The following SERPINE2 variants were observed in gnomAD, a reference collection of about 807,000 sequenced individuals.
SERPINE2 encodes the protein glia-derived nexin.
A neutral mutation model predicts 36.3 loss-of-function variants in SERPINE2; 14 were observed. The ratio of observed to expected loss-of-function variants is 0.39; its 90% confidence interval spans 0.25 to 0.60. The LOEUF (loss-of-function observed/expected upper bound fraction) is 0.60. Ranked by LOEUF, SERPINE2 falls within the 20% of genes least tolerant of loss-of-function variation. SERPINE2 has a pLI of 0.57. For missense variants in SERPINE2, 418 were observed against 499.6 expected, an observed-to-expected ratio of 0.84 and a Z score of 1.56; for synonymous variants, 192 against 191.8, an observed-to-expected ratio of 1.00 and a Z score of -0.01.
In SERPINE2 at chr2:224,003,701, A is replaced by AGAACTTAAAT. The variant is rs1338193067; in HGVS notation, c.-22-1780_-22-1779insATTTAAGTTC. Among the ~76,000 whole-genome samples, 6 of 152,384 alleles carry AGAACTTAAAT rather than the reference A, an allele frequency of 3.9e-5. No individual in the cohort carries two copies. In the East Asian group the frequency reaches 1.2e-3, roughly 29 times the overall value. Reference sequence around the variant, plus strand: ...GAAAAGCAAATACTTTCATTAAGTAAGAACTTAACAGTGGCAGCTGGTAAA... The same window carrying AGAACTTAAAT: ...GAAAAGCAAATACTTTCATTAAGTAAGAACTTAAATGAACTTAACAGTGGCAGCTGGTAAA... On this transcript the variant is annotated intron_variant, in intron 1 of 8. Coordinates refer to ENST00000409304, the MANE Select transcript of SERPINE2 (RefSeq NM_001136528.2).
intron 1 of SERPINE2, among the ~76,000 whole-genome samples, chr2:224,036,368 A>G (rs1692535632): frequency 1.3e-5 from 2 of 151,220 alleles, no homozygotes; most frequent in African/African-American, 4.9e-5. Context: ...AGAAAGGAAT[A>G]GAAGAACCTC....
intron 1 of SERPINE2, among the ~76,000 whole-genome samples, chr2:224,036,536 G>C (rs912754771): frequency 2.6e-5 from 4 of 151,402 alleles, no homozygotes; most frequent in Non-Finnish European, 4.4e-5. Context: ...TACCTAATGT[G>C]ATGGGTTGAT....
intron 1 of SERPINE2, among the ~76,000 whole-genome samples, chr2:224,025,763 C>T (rs17196910): frequency 0.021 from 3,247 of 152,332 alleles, 48 homozygotes; most frequent in Non-Finnish European, 0.035. Context: ...CACTGAAACA[C>T]CTACCCTAGG....
In SERPINE2 at chr2:223,975,404, C is replaced by T. The variant is rs1227381330; in HGVS notation, c.*463G>A. 2 of 152,844 alleles carry T rather than the reference C, an allele frequency of 1.3e-5. No individual in the cohort carries two copies. The highest frequency in any genetic ancestry group is 2.4e-5 in the African/African-American group (1 of 41,400). 9.5% of individuals were successfully genotyped at this position (152,844 alleles called of 1,614,324 possible). On this transcript the variant is annotated 3_prime_UTR_variant, in exon 9 of 9. Coordinates refer to ENST00000409304, the MANE Select transcript of SERPINE2 (RefSeq NM_001136528.2). ...ACCAAAATAACGCTTGCTATCAAGACTTTGGAGGGGGATGGGGGAAAAGAA... is the reference window on the plus strand; with the variant it reads ...ACCAAAATAACGCTTGCTATCAAGATTTTGGAGGGGGATGGGGGAAAAGAA...
chr2:223,977,533 G>C lies in SERPINE2; in HGVS notation c.1156+11C>G. On this transcript the variant is annotated intron_variant, in intron 8 of 8. Transcript: ENST00000409304. ...ACAGAGAGGGCATGATGGAAGAGGA[G>C]AGTCACTTACCTGTAGGATTATGTC... is the stretch of plus-strand genomic sequence containing the variant. 6.4e-7 allele frequency: 1 copy of C among 1,553,860 alleles called. No individual in the cohort carries two copies. Among genetic ancestry groups the C allele is most frequent in the Non-Finnish European group, 8.9e-7 (1 of 1,125,184 alleles).
intron 1 of SERPINE2, among the ~76,000 whole-genome samples, chr2:224,012,130 T>C (rs1351334935): frequency 1.3e-5 from 2 of 152,196 alleles, no homozygotes; most frequent in Non-Finnish European, 2.9e-5. Context: ...GCTCTGAGTG[T>C]GGGACTTCAC....
chr2:224,026,227 T>C, intron 1 of SERPINE2, among the ~76,000 whole-genome samples: 1 of 152,234 alleles, frequency 6.6e-6, no homozygotes, highest in East Asian at 1.9e-4. Flanking sequence ...ACACGCCCAC[T>C]TCGGGCTTTA....
chr2:224,027,565 G>C (rs1378571774), intron 1 of SERPINE2, among the ~76,000 whole-genome samples: 1 of 152,136 alleles, frequency 6.6e-6, no homozygotes, highest in Non-Finnish European at 1.5e-5. Context: ...GACAAGGTGG[G>C]AGTGGTAGAA....
chr2:224,031,538 G>T, intron 1 of SERPINE2: 1 of 983,650 alleles, frequency 1.0e-6, no homozygotes, highest in African/African-American at 1.7e-5. Flanking sequence ...CACAGCCATT[G>T]GTACACGGAA....
chr2:224,000,139 C>T (rs767854757), intron 2 of SERPINE2, among the ~76,000 whole-genome samples: 15 of 152,176 alleles, frequency 9.9e-5, no homozygotes, highest in African/African-American at 2.9e-4. Context: ...CAGCTGACGA[C>T]GCCAGTGCAG....
Position 223,984,823 on chromosome 2 carries a change from G to A in SERPINE2, c.813C>T (p.His271=). 2 of 1,614,080 alleles carry A rather than the reference G, an allele frequency of 1.2e-6. No individual in the cohort carries two copies. Among genetic ancestry groups the A allele is most frequent in the Middle Eastern group, 1.7e-4 (1 of 5,990 alleles). The change falls in exon 5 of 9, where the codon CAC becomes CAT. Residue 271 remains histidine (H), a synonymous_variant. Transcript: ENST00000409304. ...SSTPLSAIIP[H]ISTKTIDSWM... ...AGCTGTCTATGGTCTTGGTGCTGATGTGTGGGATGATGGCAGACAGCGGAG... is the reference window on the plus strand; with the variant it reads ...AGCTGTCTATGGTCTTGGTGCTGATATGTGGGATGATGGCAGACAGCGGAG...
At chr2:224,016,220 T>C (rs1408094239) in intron 1 of SERPINE2, among the ~76,000 whole-genome samples, 1 of 152,100 alleles carries the variant, frequency 6.6e-6, no homozygotes, top group Non-Finnish European at 1.5e-5. Flanking sequence ...GTTTGGTAGG[T>C]CAGGTGCAGT....
chr2:223,998,754 T>C (rs778783596), intron 2 of SERPINE2, among the ~76,000 whole-genome samples: 7 of 152,042 alleles, frequency 4.6e-5, no homozygotes, highest in Non-Finnish European at 7.3e-5. Flanking sequence ...AGGATAGCTA[T>C]GAGTAGCAAG....
At chr2:224,012,006 T>C (rs1436847046) in intron 1 of SERPINE2, among the ~76,000 whole-genome samples, 2 of 152,208 alleles carry the variant, frequency 1.3e-5, no homozygotes, top group Admixed American at 6.5e-5. Flanking sequence ...TGAAGGCCAC[T>C]TTCTTGGTTG....
At chr2:224,009,195 G>A (rs1019771903) in intron 1 of SERPINE2, among the ~76,000 whole-genome samples, 1 of 151,878 alleles carries the variant, frequency 6.6e-6, no homozygotes, top group Non-Finnish European at 1.5e-5. Flanking sequence ...TCCCCTCCCC[G>A]CCCCTCAGTG....
chr2:224,000,221 G>T (rs1296237565), intron 2 of SERPINE2, among the ~76,000 whole-genome samples: 1 of 152,152 alleles, frequency 6.6e-6, no homozygotes, highest in African/African-American at 2.4e-5. Flanking sequence ...TGTTTCCAAC[G>T]AAGGGAGCAG....
intron 1 of SERPINE2, chr2:224,031,546 G>A: frequency 5.1e-6 from 5 of 979,696 alleles, no homozygotes; most frequent in Non-Finnish European, 6.1e-6. Flanking sequence ...TTGGTACACG[G>A]AAGGGCATGT....
chr2:224,022,432 T>A (rs1692036839), intron 1 of SERPINE2, among the ~76,000 whole-genome samples: 1 of 152,198 alleles, frequency 6.6e-6, no homozygotes, highest in Admixed American at 6.5e-5. Flanking sequence ...TTAGTGTTCT[T>A]CCTTAGATAA....
intron 7 of SERPINE2, chr2:223,979,360 C>A (rs1690134011): frequency 1.3e-5 from 2 of 152,220 alleles, no homozygotes; most frequent in South Asian, 4.1e-4. Context: ...CAAAAAGCAT[C>A]TTAAAATTTC....
Sources: gnomAD v4.1 joint callset for allele counts (sites outside exome capture counted in the v4.1 genomes callset) on GRCh38, gnomAD v4.1.1 for gene constraint, MANE v1.5 for transcripts, NCBI Gene and HGNC (gene_info 2026-07-23, HGNC 2026-07-21) for gene names.